SEC31A: variants seen among roughly 807,000 people sequenced by gnomAD.
SEC31A encodes the protein SEC31 homolog A, COPII component.
Under a neutral mutation model 151.0 loss-of-function variants are expected in SEC31A, and 70 were observed. The ratio of observed to expected loss-of-function variants is 0.46; its 90% CI spans 0.38 to 0.57. The LOEUF (loss-of-function observed/expected upper bound fraction) is 0.57. SEC31A is among the 20% of genes least tolerant of loss of function. The pLI is 0.00. For missense variants in SEC31A, 1,330 were observed against 1,471.2 expected, an observed-to-expected ratio of 0.90 and a Z score of 1.57; for synonymous variants, 475 against 505.9, an observed-to-expected ratio of 0.94 and a Z score of 0.82.
In SEC31A at chr4:82,864,353, C is replaced by G. The variant is rs751427823; in HGVS notation, c.1434+9G>C. 1 of 1,581,628 alleles carries G rather than the reference C, an allele frequency of 6.3e-7. No homozygotes were observed. The highest frequency in any genetic ancestry group is 2.2e-5 in the East Asian group (1 of 44,720). On this transcript the variant is annotated intron_variant, in intron 11 of 26. Transcript: ENST00000395310. ...AATGAAATAATATAGCTTTAAACAG[C>G]AACTTTACCTTCAAAAAGGACCACA... is the stretch of plus-strand genomic sequence containing the variant.
intron 23 of SEC31A, 113 bp from the exon 24 acceptor site, chr4:82,827,745 ATAGTAG>A: frequency 2.1e-6 from 2 of 969,274 alleles, no homozygotes. Flanking sequence ...AAATTTTTTA[ATAGTAG>A]TAGAATACTT....
intron 13 of SEC31A, chr4:82,861,952 C>T (rs1361480149): frequency 4.3e-5 from 10 of 234,430 alleles, no homozygotes; most frequent in Admixed American, 8.8e-5. Context: ...CTCACTCTGT[C>T]GCCCAGGCTG....
chr4:82,891,288 C>G (rs1371269259), upstream of SEC31A: 1 of 1,088,718 alleles, frequency 9.2e-7, no homozygotes, highest in East Asian at 2.7e-5. Flanking sequence ...CACAGCCCGC[C>G]ACGGCACTTC....
At chr4:82,857,207 C>T in intron 15 of SEC31A, 77 bp from the exon 16 acceptor site, 2 of 1,222,462 alleles carry the variant, frequency 1.6e-6, no homozygotes, top group Admixed American at 5.0e-5. Flanking sequence ...CTACATCTAT[C>T]AATTTTTATA....
At chr4:82,888,350 CAAAAAAAAAA>C (rs1177774222) in intron 1 of SEC31A, among the ~76,000 whole-genome samples, 1 of 26,176 alleles carries the variant, frequency 3.8e-5, no homozygotes, top group South Asian at 1.7e-3. Flanking sequence ...GACTCCGTCT[CAAAAAAAAAA>C]AAAAAAAAAA....
chr4:82,896,752 G>C (rs1720078780), intron 3 of SEC31A, among the ~76,000 whole-genome samples: 1 of 152,090 alleles, frequency 6.6e-6, no homozygotes, highest in Admixed American at 6.5e-5. Context: ...AACTTTCTAA[G>C]AATTTTTCAA....
intron 22 of SEC31A, among the ~76,000 whole-genome samples, chr4:82,833,494 C>T (rs1304148325): frequency 6.7e-6 from 1 of 149,868 alleles, no homozygotes; most frequent in East Asian, 2.0e-4. Flanking sequence ...CATGTATACC[C>T]ATGTAACAAA....
At chr4:82,864,057 T>A (rs1734751906) in intron 11 of SEC31A, among the ~76,000 whole-genome samples, 1 of 152,204 alleles carries the variant, frequency 6.6e-6, no homozygotes, top group Non-Finnish European at 1.5e-5. Flanking sequence ...TTCATTATAG[T>A]AAACTCTATG....
rs111886182 is a variant in SEC31A, at chr4:82,889,031, G to C, written c.-5+2057C>G. Among the ~76,000 whole-genome samples the C allele has an allele frequency of 5.1e-3, 773 of 152,238 alleles. 11 individuals carry two copies. Among genetic ancestry groups the C allele is most frequent in the African/African-American group, 0.018 (729 of 41,558 alleles). ...TTCAGTAAAAATCCATTTTCTGCAG[G>C]CAAAATATCTCAATATGGATAGAAA... On this transcript the variant is annotated intron_variant, in intron 1 of 26. Coordinates refer to ENST00000395310, the MANE Select transcript of SEC31A (RefSeq NM_001077207.4).
intron 22 of SEC31A, 110 bp downstream of exon 22, chr4:82,842,030 C>T (rs1729027857): frequency 1.1e-6 from 1 of 896,200 alleles, no homozygotes; most frequent in Non-Finnish European, 1.6e-6. Flanking sequence ...TCAGTCAACA[C>T]CTCACATTAC....
Position 82,872,079 on chromosome 4 carries a change from C to A in SEC31A, c.647G>T (p.Cys216Phe). The change falls in exon 7 of 27, where the codon TGT becomes TTT. Residue 216 changes from cysteine to phenylalanine, a missense_variant. Cys to Phe is a radical substitution (Grantham distance 205). Coordinates refer to ENST00000395310, the MANE Select transcript of SEC31A (RefSeq NM_001077207.4). ...ATCAGGATGCCATGCCAACCCAGAA[C>A]AATGCATCTGAAGATAGTTAAGGTT... ...KVSDHSNRMHCSGLAWHPDVA... is the reference protein window; with the variant it reads ...KVSDHSNRMHFSGLAWHPDVA... 6.2e-7 allele frequency: 1 copy of A among 1,613,374 alleles called. No homozygotes were observed. The highest frequency in any genetic ancestry group is 8.5e-7 in the Non-Finnish European group (1 of 1,179,380).
intron 3 of SEC31A, 99 bp from the exon 4 acceptor site, chr4:82,879,027 A>G (rs1234595440): frequency 1.2e-6 from 1 of 864,288 alleles, no homozygotes. Flanking sequence ...TTTCATAAAC[A>G]ATCCAAATAT....
chr4:82,895,036 T>C (rs1480720413), upstream of SEC31A: 2 of 152,252 alleles, frequency 1.3e-5, no homozygotes, highest in Admixed American at 6.5e-5. Context: ...AGATTTAAGA[T>C]TCCCAGTTTC....
intron 14 of SEC31A, among the ~76,000 whole-genome samples, chr4:82,858,311 C>T (rs1452057384): frequency 6.7e-6 from 1 of 150,064 alleles, no homozygotes; most frequent in Non-Finnish European, 1.5e-5. Flanking sequence ...TTTGGGAGGC[C>T]GAGGCGGGCA....
intron 22 of SEC31A, among the ~76,000 whole-genome samples, chr4:82,831,925 A>G (rs1208409784): frequency 6.6e-6 from 1 of 152,238 alleles, no homozygotes; most frequent in Non-Finnish European, 1.5e-5. Flanking sequence ...ACACAAATGG[A>G]AAAACATTCC....
At chr4:82,877,123 G>A (rs994080908) in intron 4 of SEC31A, among the ~76,000 whole-genome samples, 1 of 152,096 alleles carries the variant, frequency 6.6e-6, no homozygotes, top group African/African-American at 2.4e-5. Context: ...CAGCTACTCA[G>A]GTGGCTGAGA....
chr4:82,856,659 G>A (rs1354689413), intron 16 of SEC31A, among the ~76,000 whole-genome samples: 1 of 152,084 alleles, frequency 6.6e-6, no homozygotes, highest in Non-Finnish European at 1.5e-5. Context: ...GCTGAGGTAG[G>A]AGAATCGCTT....
intron 7 of SEC31A, chr4:82,871,327 C>T (rs889110772): frequency 5.8e-5 from 88 of 1,506,850 alleles, no homozygotes; most frequent in Non-Finnish European, 7.2e-5. Context: ...CACACACACA[C>T]ACACACACAC....
Position 82,821,042 on chromosome 4 carries a change from G to C in SEC31A, c.3478C>G (p.Gln1160Glu), listed in dbSNP as rs1188233531. The C allele has an allele frequency of 6.2e-7, 1 of 1,611,382 alleles. No individual in the cohort carries two copies. Among genetic ancestry groups the C allele is most frequent in the South Asian group, 1.1e-5 (1 of 90,976 alleles). Reference sequence around the variant, plus strand: ...CCTTTTCCTCCAAAACTTACTGTCTGTTCCCTAAGTTTATCATACAGAAAC... The same window carrying C: ...CCTTTTCCTCCAAAACTTACTGTCTCTTCCCTAAGTTTATCATACAGAAAC... ...LEFLYDKLRE[Q>E]TLSPTITSGL... Residue 1160 changes from glutamine to glutamate, a missense_variant, in exon 26 of 27, where the codon CAG (glutamine) becomes GAG (glutamate). Coordinates refer to ENST00000395310, the MANE Select transcript of SEC31A (RefSeq NM_001077207.4).
Sources: gnomAD v4.1 joint callset for allele counts (sites outside exome capture counted in the v4.1 genomes callset) on GRCh38, gnomAD v4.1.1 for gene constraint, MANE v1.5 for transcripts, NCBI Gene and HGNC (gene_info 2026-07-23, HGNC 2026-07-21) for gene names.